The following STX8 variants were observed in gnomAD, a reference collection of about 807,000 sequenced individuals.
STX8 encodes syntaxin 8.
A neutral mutation model predicts 37.5 loss-of-function variants in STX8; 23 were observed. The ratio of observed to expected loss-of-function variants is 0.61; its 90% CI spans 0.44 to 0.87. The LOEUF (loss-of-function observed/expected upper bound fraction) is 0.87, where lower values mean the gene tolerates loss of function less well. STX8 is among the 40% of genes least tolerant of loss of function. The pLI, the probability that STX8 is intolerant of heterozygous loss-of-function variation, is 0.00. For synonymous variants in STX8, 115 were observed against 99.1 expected (o/e 1.16, Z -0.95); for missense variants, 313 against 284.7 (o/e 1.10, Z -0.71).
At chr17:9,516,716 G>A (rs531457639) in intron 4 of STX8, among the ~76,000 whole-genome samples, 6 of 152,134 alleles carry the variant, frequency 3.9e-5, no homozygotes, top group East Asian at 1.9e-4. Context: ...AGGAAAATAC[G>A]AAAAATAATA....
intron 6 of STX8, among the ~76,000 whole-genome samples, chr17:9,450,916 G>T (rs375393234): frequency 6.6e-6 from 1 of 151,922 alleles, no homozygotes; most frequent in South Asian, 2.1e-4. Flanking sequence ...TCCATAAGAG[G>T]TCCTGCCTTT....
intron 1 of STX8, among the ~76,000 whole-genome samples, chr17:9,573,080 A>AACCCCCCCCCCCCCCCCC (rs1907746427): frequency 9.8e-6 from 1 of 101,578 alleles, no homozygotes; most frequent in African/African-American, 3.8e-5. Flanking sequence ...CACCCCCAAC[A>AACCCCCCCCCCCCCCCCC]CCCCCCCCCA....
intron 4 of STX8, among the ~76,000 whole-genome samples, chr17:9,522,541 C>CAAAAAAAA (rs33970359): frequency 1.6e-3 from 110 of 66,852 alleles, no homozygotes; most frequent in African/African-American, 2.5e-3. Context: ...ACTAAAAATC[C>CAAAAAAAA]AAAAAAAAAA....
chr17:9,343,405 C>G (rs1038132705), intron 7 of STX8, among the ~76,000 whole-genome samples: 2 of 136,960 alleles, frequency 1.5e-5, no homozygotes, highest in Non-Finnish European at 3.1e-5. Flanking sequence ...TCTATTTAAA[C>G]AGCCAAACTG....
chr17:9,571,651 C>G (rs565479358), intron 1 of STX8, among the ~76,000 whole-genome samples: 12 of 148,970 alleles, frequency 8.1e-5, no homozygotes, highest in Non-Finnish European at 1.5e-4. Flanking sequence ...CGTAGTGGCT[C>G]ACACCTGTAA....
chr17:9,295,832 G>A (rs1483975119), intron 7 of STX8, among the ~76,000 whole-genome samples: 2 of 121,848 alleles, frequency 1.6e-5, no homozygotes, highest in Non-Finnish European at 4.0e-5. Flanking sequence ...ATCACCTGAG[G>A]TCAGGAGTTC....
intron 6 of STX8, among the ~76,000 whole-genome samples, chr17:9,394,484 T>C (rs1488500878): frequency 6.6e-6 from 1 of 151,624 alleles, no homozygotes; most frequent in East Asian, 2.0e-4. Context: ...TTCAAGTGAT[T>C]CTCCCGAGTA....
intron 1 of STX8, among the ~76,000 whole-genome samples, chr17:9,573,582 C>T (rs74581143): frequency 6.6e-6 from 1 of 152,204 alleles, no homozygotes; most frequent in Non-Finnish European, 1.5e-5. Context: ...CACAGGTCTT[C>T]AGAACCTCCT....
At chr17:9,315,524 G>A (rs978590673) in intron 7 of STX8, among the ~76,000 whole-genome samples, 2 of 152,196 alleles carry the variant, frequency 1.3e-5, no homozygotes, top group East Asian at 1.9e-4. Flanking sequence ...TGTGGGATGC[G>A]TGTCACATGC....
intron 2 of STX8, among the ~76,000 whole-genome samples, chr17:9,566,513 G>A (rs924186932): frequency 6.6e-6 from 1 of 152,040 alleles, no homozygotes; most frequent in South Asian, 2.1e-4. Context: ...GTGGCCAGGT[G>A]GGGTGGCTCA....
chr17:9,293,537 C>A (rs1037684032), intron 7 of STX8, among the ~76,000 whole-genome samples: 1 of 151,662 alleles, frequency 6.6e-6, no homozygotes, highest in East Asian at 1.9e-4. Context: ...TCTCAAAGAC[C>A]TGATTAAGGT....
intron 6 of STX8, among the ~76,000 whole-genome samples, chr17:9,487,179 T>C (rs915588095): frequency 1.3e-5 from 2 of 152,186 alleles, no homozygotes; most frequent in East Asian, 3.8e-4. Flanking sequence ...CTGAAGATAA[T>C]TCGACCTTTC....
chr17:9,449,570 TAAAC>T (rs34622483), intron 6 of STX8, among the ~76,000 whole-genome samples: 2,855 of 151,742 alleles, frequency 0.019, 221 homozygotes, highest in Admixed American at 0.14. Flanking sequence ...CAAAAATAAA[TAAAC>T]AAACAAACAA....
chr17:9,352,068 T>C (rs1910723753), intron 7 of STX8, among the ~76,000 whole-genome samples: 2 of 151,310 alleles, frequency 1.3e-5, no homozygotes, highest in Admixed American at 6.6e-5. Flanking sequence ...GGAGGATTGT[T>C]TGAGCCTGGA....
At chr17:9,390,246 A>G (rs1912164430) in intron 6 of STX8, among the ~76,000 whole-genome samples, 1 of 152,088 alleles carries the variant, frequency 6.6e-6, no homozygotes, top group Admixed American at 6.6e-5. Flanking sequence ...AGGAGTCTGG[A>G]CGCAGTGGCT....
At chr17:9,373,850 A>T (rs1330165373) in intron 7 of STX8, among the ~76,000 whole-genome samples, 1 of 151,720 alleles carries the variant, frequency 6.6e-6, no homozygotes, top group East Asian at 2.0e-4. Flanking sequence ...GAGGCAGGAG[A>T]ATCGCTCGAA....
At chr17:9,339,857 T>C (rs948160591) in intron 7 of STX8, among the ~76,000 whole-genome samples, 15 of 152,228 alleles carry the variant, frequency 9.9e-5, no homozygotes, top group Admixed American at 3.9e-4. Flanking sequence ...GAAAGCGCCA[T>C]GGATACTGCT....
chr17:9,401,781 T>C (rs891814037), intron 6 of STX8, among the ~76,000 whole-genome samples: 3 of 152,228 alleles, frequency 2.0e-5, no homozygotes, highest in African/African-American at 7.2e-5. Flanking sequence ...CCATGACATC[T>C]GTCAGTTAGA....
At chr17:9,556,217 T>C (rs985258736) in intron 3 of STX8, among the ~76,000 whole-genome samples, 4 of 152,306 alleles carry the variant, frequency 2.6e-5, no homozygotes, top group Non-Finnish European at 5.9e-5. Context: ...CATTTTTTTA[T>C]CTAAAAAGCT....
Sources: allele counts gnomAD v4.1 joint callset (sites outside exome capture counted in the v4.1 genomes callset), GRCh38; gene constraint gnomAD v4.1.1; transcripts MANE v1.5; gene names NCBI Gene and HGNC (gene_info 2026-07-23, HGNC 2026-07-21).